ADAM22: variants seen among roughly 807,000 people sequenced by gnomAD.
ADAM22 encodes disintegrin and metalloproteinase domain-containing protein 22.
A neutral mutation model predicts 144.6 loss-of-function variants in ADAM22; 65 were observed. That is an observed-to-expected ratio of 0.45 (90% CI 0.37 to 0.55). The LOEUF (loss-of-function observed/expected upper bound fraction) is 0.55. Ranked by LOEUF, ADAM22 falls within the 20% of genes least tolerant of loss-of-function variation. The pLI is 0.00. For synonymous variants in ADAM22, 391 were observed against 412.6 expected, an observed-to-expected ratio of 0.95 and a Z score of 0.63; for missense variants, 974 against 1,184.9, an observed-to-expected ratio of 0.82 and a Z score of 2.61.
chr7:88,013,433 T>G (rs1795891113), intron 3 of ADAM22, among the ~76,000 whole-genome samples: 1 of 152,150 alleles, frequency 6.6e-6, no homozygotes, highest in South Asian at 2.1e-4. Context: ...CTTATTAATT[T>G]TCATTTTTTG....
chr7:88,178,738 T>C (rs546812871), intron 26 of ADAM22, among the ~76,000 whole-genome samples, 197 bp from the exon 27 acceptor site: 4 of 152,190 alleles, frequency 2.6e-5, no homozygotes, highest in Non-Finnish European at 4.4e-5. Context: ...AAAAGACTTT[T>C]GTAATTGCAT....
intron 7 of ADAM22, among the ~76,000 whole-genome samples, chr7:88,118,334 C>G (rs1828331515): frequency 6.6e-6 from 1 of 152,152 alleles, no homozygotes; most frequent in South Asian, 2.1e-4. Flanking sequence ...ACATTCTCTC[C>G]CCTTCTCTCC....
intron 3 of ADAM22, among the ~76,000 whole-genome samples, chr7:88,071,391 AT>A (rs71297113): frequency 0.13 from 16,011 of 125,984 alleles, 1,004 homozygotes; most frequent in East Asian, 0.3. Flanking sequence ...TTATGAAGTG[AT>A]TTTTTTTTTT....
At chr7:88,111,763 A>G (rs1270152601) in intron 5 of ADAM22, among the ~76,000 whole-genome samples, 1 of 152,212 alleles carries the variant, frequency 6.6e-6, no homozygotes, top group Non-Finnish European at 1.5e-5. Flanking sequence ...TAAAACAAAA[A>G]TATTTCAGTT....
At chr7:88,113,703 A>AATAAATAAATATATATATATAT (rs1554478726) in intron 5 of ADAM22, among the ~76,000 whole-genome samples, 5 of 48,106 alleles carry the variant, frequency 1.0e-4, no homozygotes, top group Non-Finnish European at 1.9e-4. Context: ...TAAATAAATA[A>AATAAATAAATATATATATATAT]ATATATATAT....
At chr7:87,961,995 C>T (rs1848092746) in intron 2 of ADAM22, among the ~76,000 whole-genome samples, 1 of 152,204 alleles carries the variant, frequency 6.6e-6, no homozygotes, top group African/African-American at 2.4e-5. Flanking sequence ...CCATTCTTCT[C>T]TGTCTGCCTT....
intron 3 of ADAM22, among the ~76,000 whole-genome samples, chr7:88,066,464 T>A (rs1308121748): frequency 6.6e-6 from 1 of 151,996 alleles, no homozygotes; most frequent in Non-Finnish European, 1.5e-5. Context: ...GGAGCCCAAG[T>A]TTGGACATGT....
At chr7:88,063,740 G>A (rs1810487204) in intron 3 of ADAM22, among the ~76,000 whole-genome samples, 1 of 152,060 alleles carries the variant, frequency 6.6e-6, no homozygotes, top group Admixed American at 6.6e-5. Context: ...AGGTCACATG[G>A]GAAAGATCAG....
At chr7:88,102,667 G>C (rs1823257495) in intron 4 of ADAM22, among the ~76,000 whole-genome samples, 1 of 152,142 alleles carries the variant, frequency 6.6e-6, no homozygotes, top group African/African-American at 2.4e-5. Flanking sequence ...AGAGCTGCCT[G>C]CACAAACTCT....
chr7:88,165,817 G>T lies in ADAM22; in HGVS notation c.2077-15G>T. The T allele has an allele frequency of 6.4e-7, 1 of 1,571,462 alleles. No homozygotes were observed. Among genetic ancestry groups the T allele is most frequent in the South Asian group, 1.2e-5 (1 of 86,754 alleles). ...AGAGAGTTGACATTTACTCTAGCTT[G>T]ATTTTGGATCTCAGGTTTGCAGTAA... On this transcript the variant is annotated splice_polypyrimidine_tract_variant and intron_variant, in intron 23 of 31. Transcript: ENST00000413139.
At chr7:88,129,363 C>G (rs1244130021) in intron 9 of ADAM22, among the ~76,000 whole-genome samples, 1 of 151,918 alleles carries the variant, frequency 6.6e-6, no homozygotes, top group Non-Finnish European at 1.5e-5. Flanking sequence ...TACTTAAGTT[C>G]AGGTACAAGT....
intron 3 of ADAM22, among the ~76,000 whole-genome samples, chr7:87,978,647 A>G (rs1330538883): frequency 6.6e-6 from 1 of 152,232 alleles, no homozygotes; most frequent in Admixed American, 6.5e-5. Flanking sequence ...GAAAGGCAAG[A>G]GTTACCCCAA....
chr7:88,122,160 T>G (rs1829459217), intron 7 of ADAM22, among the ~76,000 whole-genome samples: 1 of 152,176 alleles, frequency 6.6e-6, no homozygotes, highest in South Asian at 2.1e-4. Flanking sequence ...CTTAGCCTCT[T>G]AGACCAAGGG....
At chr7:88,162,777 A>G (rs571495128) in intron 22 of ADAM22, among the ~76,000 whole-genome samples, 1 of 152,200 alleles carries the variant, frequency 6.6e-6, no homozygotes, top group Admixed American at 6.6e-5. Flanking sequence ...GTTTCAATTC[A>G]GGCCCCAGTT....
In ADAM22 at chr7:88,130,594, G is replaced by A. The variant is rs572303204; in HGVS notation, c.825+135G>A. 3.3e-4 allele frequency: 252 copies of A among 759,940 alleles called. No individual in the cohort carries two copies. In the African/African-American group the frequency reaches 4.0e-3, roughly 12 times the overall value. 47.1% of individuals were successfully genotyped at this position (759,940 alleles called of 1,614,324 possible). On this transcript the variant is annotated intron_variant, in intron 10 of 31. Coordinates refer to ENST00000413139, the MANE Select transcript of ADAM22 (RefSeq NM_001324418.2). ...CCAAGGTGTCTAGTAAGTTCCGGGT[G>A]ACCTTGCAATAGACTTTATTGACTT...
chr7:88,074,445 A>G (rs571161147), intron 3 of ADAM22, among the ~76,000 whole-genome samples: 7 of 152,292 alleles, frequency 4.6e-5, no homozygotes, highest in South Asian at 4.1e-4. Flanking sequence ...ATAAACATCA[A>G]ATTTATTTAT....
intron 25 of ADAM22, 101 bp downstream of exon 25, chr7:88,168,328 CTTG>C: frequency 1.7e-6 from 2 of 1,203,456 alleles, no homozygotes; most frequent in Non-Finnish European, 2.4e-6. Context: ...GTTGAATATA[CTTG>C]CAATGAAAAT....
At chr7:88,185,041 T>A (rs1314617877) in intron 29 of ADAM22, among the ~76,000 whole-genome samples, 1 of 152,198 alleles carries the variant, frequency 6.6e-6, no homozygotes, top group Non-Finnish European at 1.5e-5. Flanking sequence ...TTTCTACGGT[T>A]TTCCCCAGGC....
chr7:88,003,897 A>G (rs1484067360), intron 3 of ADAM22, among the ~76,000 whole-genome samples: 1 of 152,212 alleles, frequency 6.6e-6, no homozygotes, highest in Non-Finnish European at 1.5e-5. Context: ...CCGAGTCTCA[A>G]GTGAGCACTC....
Sources: gnomAD v4.1 joint callset for allele counts (sites outside exome capture counted in the v4.1 genomes callset) on GRCh38, gnomAD v4.1.1 for gene constraint, MANE v1.5 for transcripts, NCBI Gene and HGNC (gene_info 2026-07-23, HGNC 2026-07-21) for gene names.